The following SYNE1 variants were observed in gnomAD, a reference collection of about 807,000 sequenced individuals.
The protein encoded by SYNE1 is nesprin-1.
SYNE1 carries 616 observed loss-of-function variants against 1,111.0 expected under a neutral mutation model. That is an observed-to-expected ratio of 0.55 (90% CI 0.52 to 0.59). SYNE1 has a LOEUF of 0.59. Among genes scored for constraint, SYNE1 ranks in the 20% least tolerant of loss-of-function variants. The pLI is 0.00. For synonymous variants in SYNE1, 3,855 were observed against 3,825.8 expected (o/e 1.01, Z -0.28); for missense variants, 10,006 against 10,417.0 (o/e 0.96, Z 1.72).
intron 97 of SYNE1, 84 bp downstream of exon 97, chr6:152,281,723 C>T: frequency 6.8e-7 from 1 of 1,465,918 alleles, no homozygotes; most frequent in Non-Finnish European, 9.5e-7. Context: ...ATATCCACAC[C>T]AAGCCTTTTT....
chr6:152,233,326 A>G (rs897800319), intron 112 of SYNE1, among the ~76,000 whole-genome samples: 25 of 148,292 alleles, frequency 1.7e-4, no homozygotes, highest in African/African-American at 6.0e-4. Context: ...TTTGTAGCGT[A>G]GTTCACTCTT....
At chr6:152,345,925 A>G (rs2096621286) in intron 73 of SYNE1, among the ~76,000 whole-genome samples, 1 of 152,214 alleles carries the variant, frequency 6.6e-6, no homozygotes, top group Non-Finnish European at 1.5e-5. Context: ...CTCGTTTCTC[A>G]AATTCTATAT....
chr6:152,283,947 G>A (rs753447215), intron 96 of SYNE1, 31 bp downstream of exon 96: 37 of 1,565,882 alleles, frequency 2.4e-5, no homozygotes, highest in Admixed American at 3.3e-5. Context: ...TAACTCAGAA[G>A]TGAGGAGGCC....
intron 128 of SYNE1, among the ~76,000 whole-genome samples, chr6:152,181,191 C>A (rs991404549): frequency 2.5e-4 from 18 of 71,838 alleles, no homozygotes; most frequent in Non-Finnish European, 5.4e-4. Flanking sequence ...GCGGACAGAT[C>A]ACTAGAGGTC....
At chr6:152,554,376 C>T (rs923421275) in intron 3 of SYNE1, among the ~76,000 whole-genome samples, 5 of 151,920 alleles carry the variant, frequency 3.3e-5, no homozygotes, top group African/African-American at 9.7e-5. Flanking sequence ...ATGCTGCCTC[C>T]TCCATTTATT....
At chr6:152,183,005 AC>A (rs2153201490) in intron 128 of SYNE1, among the ~76,000 whole-genome samples, 1 of 152,234 alleles carries the variant, frequency 6.6e-6, no homozygotes, top group South Asian at 2.1e-4. Flanking sequence ...GGTAGGGCCT[AC>A]TAGAAATGGA....
chr6:152,575,332 T>C lies in SYNE1; in HGVS notation c.68-35311A>G, dbSNP rs920113602. Reference sequence around the variant, plus strand: ...TTTGTATCTGTCAAAATGTGTTTCATGGACGAATGACATCAGAATGCAATG... The same window carrying C: ...TTTGTATCTGTCAAAATGTGTTTCACGGACGAATGACATCAGAATGCAATG... On this transcript the variant is annotated intron_variant, in intron 3 of 145. Transcript: ENST00000367255. Among the ~76,000 whole-genome samples the C allele has an allele frequency of 3.3e-5, 5 of 152,202 alleles. No homozygotes were observed. The East Asian group carries it at 5.8e-4, about 18-fold the overall frequency.
intron 28 of SYNE1, among the ~76,000 whole-genome samples, chr6:152,448,841 A>AAAAC (rs80176844): frequency 0.032 from 4,909 of 151,686 alleles, 101 homozygotes; most frequent in African/African-American, 0.054. Context: ...CTTGTCTCAA[A>AAAAC]AAACAAACAA....
chr6:152,167,712 A>G (rs774797630), intron 130 of SYNE1: 5 of 524,050 alleles, frequency 9.5e-6, no homozygotes, highest in Non-Finnish European at 2.0e-5. Flanking sequence ...CAAAGCTGTG[A>G]ACCAGCTAAG....
chr6:152,448,441 T>C (rs1031437963), intron 28 of SYNE1, among the ~76,000 whole-genome samples: 2 of 152,106 alleles, frequency 1.3e-5, no homozygotes, highest in African/African-American at 4.8e-5. Flanking sequence ...GGATGTGAAT[T>C]TTTTTTTGTG....
In SYNE1 at chr6:152,399,644, C is replaced by A; in HGVS notation, c.7209G>T (p.Leu2403=). 6.2e-7 allele frequency: 1 copy of A among 1,614,148 alleles called. No individual in the cohort carries two copies. The highest frequency in any genetic ancestry group is 8.5e-7 in the Non-Finnish European group (1 of 1,180,012). Residue 2403 remains leucine, a synonymous_variant, in exon 48 of 146, where the codon CTG becomes CTT. Transcript: ENST00000367255. Reference sequence around the variant, plus strand: ...TGAAGTGTTTTTCCAGAGATTCCTGCAGGCTGGCCTGGGTTTTGGAGCACA... The same window carrying A: ...TGAAGTGTTTTTCCAGAGATTCCTGAAGGCTGGCCTGGGTTTTGGAGCACA... The part of the protein sequence containing the change: ...SQLCSKTQAS[L]QESLEKHFSE...
intron 74 of SYNE1, among the ~76,000 whole-genome samples, chr6:152,339,955 G>C (rs564377144): frequency 6.6e-6 from 1 of 152,352 alleles, no homozygotes; most frequent in African/African-American, 2.4e-5. Flanking sequence ...CTCCATTTTA[G>C]ATACTGGGCA....
chr6:152,348,600 G>A (rs980401929), intron 72 of SYNE1, among the ~76,000 whole-genome samples: 2 of 151,910 alleles, frequency 1.3e-5, no homozygotes, highest in Admixed American at 1.3e-4. Context: ...CAGAAGAATC[G>A]CTTGAACCCA....
chr6:152,448,820 G>A (rs771710955), intron 28 of SYNE1, among the ~76,000 whole-genome samples: 2 of 151,930 alleles, frequency 1.3e-5, no homozygotes, highest in Non-Finnish European at 2.9e-5. Context: ...CCAAACCTGG[G>A]TGACAGAGAC....
intron 11 of SYNE1, among the ~76,000 whole-genome samples, chr6:152,494,579 A>C (rs188217326): frequency 5.9e-5 from 9 of 152,288 alleles, no homozygotes. Context: ...TCAGCAAGCC[A>C]AACTCATTGC....
intron 44 of SYNE1, 87 bp from the exon 45 acceptor site, chr6:152,407,283 A>G (rs765275736): frequency 1.7e-5 from 22 of 1,309,026 alleles, no homozygotes; most frequent in Non-Finnish European, 2.4e-5. Context: ...TTCTTTTATC[A>G]GAAAAGTATA....
intron 39 of SYNE1, among the ~76,000 whole-genome samples, chr6:152,420,289 T>A (rs1449774554): frequency 6.6e-6 from 1 of 152,190 alleles, no homozygotes; most frequent in Non-Finnish European, 1.5e-5. Context: ...AAATACAGAT[T>A]TCTGATAACT....
chr6:152,594,540 A>T (rs1409775975), intron 3 of SYNE1, among the ~76,000 whole-genome samples: 1 of 152,244 alleles, frequency 6.6e-6, no homozygotes, highest in East Asian at 1.9e-4. Context: ...ATCTTCAAGA[A>T]ATTTTATTTT....
At position 152,224,528 on chromosome 6, in the gene SYNE1, AAGG is replaced by A; in HGVS notation, c.21485_21487del (p.Ser7162del). On this transcript the variant is annotated inframe_deletion, in exon 117 of 146. Coordinates refer to ENST00000367255, the MANE Select transcript of SYNE1 (RefSeq NM_182961.4). ...GTCCACCTGAACTTGCACAGCTTCT[AAGG>A]AGCCAGTCAGCAGACGGAATCGGGA... 1 of 1,614,058 alleles carries A rather than the reference AAGG, an allele frequency of 6.2e-7. No individual in the cohort carries two copies. The highest frequency in any genetic ancestry group is 8.5e-7 in the Non-Finnish European group (1 of 1,179,954).
Sources: gnomAD v4.1 joint callset for allele counts (sites outside exome capture counted in the v4.1 genomes callset) on GRCh38, gnomAD v4.1.1 for gene constraint, MANE v1.5 for transcripts, NCBI Gene and HGNC (gene_info 2026-07-23, HGNC 2026-07-21) for gene names.